The following SVIL variants were observed in gnomAD, a reference collection of about 807,000 sequenced individuals.
SVIL encodes supervillin.
SVIL carries 101 observed loss-of-function variants against 240.4 expected under a neutral mutation model. The ratio of observed to expected loss-of-function variants is 0.42; its 90% CI spans 0.36 to 0.50. The LOEUF is 0.50. Among genes scored for constraint, SVIL ranks in the 20% least tolerant of loss-of-function variants. The probability of loss-of-function intolerance (pLI) is 0.01; values close to 1 mark genes in which losing one functional copy is unlikely to be tolerated. For synonymous variants in SVIL, 999 were observed against 1,100.0 expected (o/e 0.91, Z 1.82); for missense variants, 2,512 against 2,818.7 (o/e 0.89, Z 2.46).
intron 1 of SVIL, among the ~76,000 whole-genome samples, chr10:29,703,763 G>T (rs995646984): frequency 2.0e-5 from 3 of 152,188 alleles, no homozygotes; most frequent in African/African-American, 7.2e-5. Context: ...AACAGTAAAG[G>T]CCAAGTCTCT....
chr10:29,623,631 A>G (rs565321172), intron 1 of SVIL, among the ~76,000 whole-genome samples: 1 of 152,320 alleles, frequency 6.6e-6, no homozygotes, highest in South Asian at 2.1e-4. Flanking sequence ...CGGGTGGATC[A>G]TGAGGTCAGG....
Position 29,470,238 on chromosome 10 carries a change from C to T in SVIL, c.5843+38G>A, listed in dbSNP as rs367852067. The T allele has an allele frequency of 4.8e-5, 76 of 1,587,666 alleles. 1 individual carries two copies. The highest frequency in any genetic ancestry group is 1.7e-4 in the Middle Eastern group (1 of 6,044). On this transcript the variant is annotated intron_variant, in intron 32 of 37. Coordinates refer to ENST00000355867, the MANE Select transcript of SVIL (RefSeq NM_021738.3). ...GCCTGCCCCGTCCCTCTGGGAAGCC[C>T]GGTGTGTGGGGGGACTCGCCGCAGA...
In SVIL at chr10:29,524,652, A is replaced by G; in HGVS notation, c.2406T>C (p.Leu802=). 1.2e-6 allele frequency: 2 copies of G among 1,614,186 alleles called. No individual in the cohort carries two copies. Among genetic ancestry groups the G allele is most frequent in the Non-Finnish European group, 1.7e-6 (2 of 1,180,034 alleles). Residue 802 remains leucine, a synonymous_variant, in exon 14 of 38, where the codon CTT becomes CTC. Coordinates refer to ENST00000355867, the MANE Select transcript of SVIL (RefSeq NM_021738.3). ...AGGAATCAGGTTCTCCTTGCTCAGC[A>G]AGCTCTTTGCCCTCATTTGTCTGGT... ...AKDQTNEGKE[L]AEQGEPDSST...
In SVIL at chr10:29,532,000, A is replaced by C. The variant is rs1589138078; in HGVS notation, c.2009+2T>G. 1 of 1,614,100 alleles carries C rather than the reference A, an allele frequency of 6.2e-7. No homozygotes were observed. Among genetic ancestry groups the C allele is most frequent in the Non-Finnish European group, 8.5e-7 (1 of 1,179,990 alleles). On this transcript the variant is annotated splice_donor_variant, in intron 9 of 37. Coordinates refer to ENST00000355867, the MANE Select transcript of SVIL (RefSeq NM_021738.3). LOFTEE classifies it high-confidence loss of function. ...GAGGAAACTGCGCATACGCATGCCT[A>C]CCTATCCGATTCCTTTCGTTCTGCT... is the stretch of plus-strand genomic sequence containing the variant.
In SVIL at chr10:29,539,576, T is replaced by G. The variant is rs1423997241; in HGVS notation, c.828-3507A>C. Among the ~76,000 whole-genome samples the G allele has an allele frequency of 2.0e-5, 3 of 152,172 alleles. No homozygotes were observed. The South Asian group carries it at 6.2e-4, about 31-fold the overall frequency. ...AGACGCCTAAATCAGACACCAACAG[T>G]GAACACGCTGTCCTGGGCGCTGTGT... On this transcript the variant is annotated intron_variant, in intron 6 of 37. Transcript: ENST00000355867.
At chr10:29,586,904 G>A (rs1419855525) in intron 1 of SVIL, among the ~76,000 whole-genome samples, 4 of 152,130 alleles carry the variant, frequency 2.6e-5, no homozygotes, top group African/African-American at 9.7e-5. Context: ...GGTGGAGGGT[G>A]GGAGGAGGGA....
At chr10:29,459,058 C>A (rs1276797940) in intron 36 of SVIL, among the ~76,000 whole-genome samples, 1 of 148,966 alleles carries the variant, frequency 6.7e-6, no homozygotes, top group Non-Finnish European at 1.5e-5. Context: ...AAACTTCTGG[C>A]CTCAAGCGAT....
intron 1 of SVIL, among the ~76,000 whole-genome samples, chr10:29,732,445 T>C (rs1964676173): frequency 6.6e-6 from 1 of 152,204 alleles, no homozygotes; most frequent in Non-Finnish European, 1.5e-5. Context: ...CTTGCATGTA[T>C]ATACAATATA....
intron 1 of SVIL, among the ~76,000 whole-genome samples, chr10:29,619,043 G>A (rs754655999): frequency 6.6e-6 from 1 of 152,144 alleles, no homozygotes; most frequent in South Asian, 2.1e-4. Flanking sequence ...ACCCCTGAAC[G>A]GAAAGATAAT....
At chr10:29,734,651 G>A (rs1589601220) in intron 1 of SVIL, among the ~76,000 whole-genome samples, 1 of 152,184 alleles carries the variant, frequency 6.6e-6, no homozygotes, top group Admixed American at 6.5e-5. Flanking sequence ...GGTGGAGGCA[G>A]ATAAGACAAG....
rs183667989 is a variant in SVIL, at chr10:29,632,756, G to A, written c.-201+1664C>T. On this transcript the variant is annotated intron_variant, in intron 1 of 37. Transcript: ENST00000355867. ...GCACCAATAGTACTAAATAAAGGTA[G>A]GCAGGAAGGCACCTAATGTACTACA... Among the ~76,000 whole-genome samples the A allele has an allele frequency of 4.9e-4, 75 of 152,284 alleles. No homozygotes were observed. In the East Asian group the frequency reaches 6.4e-3, roughly 13 times the overall value.
intron 28 of SVIL, among the ~76,000 whole-genome samples, chr10:29,481,133 G>GGGGTGTGTGTGTGTGT (rs573984701): frequency 7.1e-6 from 1 of 141,324 alleles, no homozygotes; most frequent in African/African-American, 2.7e-5. Context: ...TAGCTTTAAG[G>GGGGTGTGTGTGTGTGT]GTGTGTGTGT....
At chr10:29,486,322 T>A in intron 25 of SVIL, 88 bp downstream of exon 25, 1 of 1,590,132 alleles carries the variant, frequency 6.3e-7, no homozygotes, top group Non-Finnish European at 8.6e-7. Context: ...TGTAAAATTT[T>A]ATTTACAATG....
intron 17 of SVIL, among the ~76,000 whole-genome samples, chr10:29,502,485 T>A (rs1250473154): frequency 2.0e-5 from 3 of 152,218 alleles, no homozygotes; most frequent in Non-Finnish European, 4.4e-5. Context: ...TTGTGTCATT[T>A]TTCCAGGTTT....
chr10:29,545,083 C>T (rs1217331446), intron 6 of SVIL: 1 of 534,448 alleles, frequency 1.9e-6, no homozygotes, highest in Non-Finnish European at 3.8e-6. Context: ...CGTGGAAGGT[C>T]AAGCACGATG....
chr10:29,514,929 G>A (rs1224002076), intron 16 of SVIL, among the ~76,000 whole-genome samples: 1 of 152,158 alleles, frequency 6.6e-6, no homozygotes, highest in African/African-American at 2.4e-5. Flanking sequence ...AGAATCCGGC[G>A]ACATCTACGT....
intron 20 of SVIL, among the ~76,000 whole-genome samples, chr10:29,494,561 T>C (rs1948255226): frequency 6.6e-6 from 1 of 152,266 alleles, no homozygotes; most frequent in Non-Finnish European, 1.5e-5. Flanking sequence ...AAATCATTTG[T>C]GATTATATGA....
intron 1 of SVIL, among the ~76,000 whole-genome samples, chr10:29,591,829 T>C (rs1440565222): frequency 2.0e-5 from 3 of 152,218 alleles, no homozygotes; most frequent in Non-Finnish European, 4.4e-5. Context: ...GAGATCCAAG[T>C]GCTCTGGGTG....
intron 30 of SVIL, 164 bp downstream of exon 30, chr10:29,473,674 G>T: frequency 1.2e-6 from 1 of 806,404 alleles, no homozygotes; most frequent in Non-Finnish European, 1.9e-6. Context: ...GAAATGGGAG[G>T]CACAGCCTGA....
Sources: gnomAD v4.1 joint callset for allele counts (sites outside exome capture counted in the v4.1 genomes callset) on GRCh38, gnomAD v4.1.1 for gene constraint, MANE v1.5 for transcripts, NCBI Gene and HGNC (gene_info 2026-07-23, HGNC 2026-07-21) for gene names.